The following NECAB2 variants were observed in gnomAD, a reference collection of about 807,000 sequenced individuals.
The protein encoded by NECAB2 is N-terminal EF-hand calcium binding protein 2.
In NECAB2, 68 loss-of-function variants were observed where a neutral mutation model predicts 51.9. The observed-to-expected ratio is 1.31, with a 90% CI of 1.08 to 1.60. NECAB2 has a LOEUF of 1.60. NECAB2 is among the 40% of genes most tolerant of loss of function. The pLI, the probability that NECAB2 is intolerant of heterozygous loss-of-function variation, is 0.00. For missense variants in NECAB2, 854 were observed against 490.3 expected, an observed-to-expected ratio of 1.74 and a Z score of -7.00; for synonymous variants, 329 against 203.5, an observed-to-expected ratio of 1.62 and a Z score of -5.25.
intron 12 of NECAB2, 43 bp from the exon 13 acceptor site, chr16:84,002,275 C>T (rs761285264): frequency 1.9e-6 from 3 of 1,610,840 alleles, no homozygotes; most frequent in South Asian, 1.1e-5. Flanking sequence ...CGAGGCTGCC[C>T]ACATTCGCAC....
intron 2 of NECAB2, among the ~76,000 whole-genome samples, chr16:83,976,401 G>C (rs1450987331): frequency 1.3e-5 from 2 of 152,218 alleles, no homozygotes; most frequent in African/African-American, 2.4e-5. Flanking sequence ...TGTGTCGTGA[G>C]TGTTAAGAAG....
At chr16:84,000,822 A>C (rs746754079) in intron 11 of NECAB2, 21 bp downstream of exon 11, 41 of 1,610,812 alleles carry the variant, frequency 2.5e-5, no homozygotes, top group South Asian at 3.3e-5. Context: ...GGGTCCCCAC[A>C]GCAGGTGAGG....
Position 84,001,832 on chromosome 16 carries a change from C to G in NECAB2, c.1048C>G (p.Gln350Glu). The G allele has an allele frequency of 6.2e-7, 1 of 1,614,098 alleles. No individual in the cohort carries two copies. The highest frequency in any genetic ancestry group is 8.5e-7 in the Non-Finnish European group (1 of 1,179,942). Residue 350 changes from glutamine (Q) to glutamate (E), a missense_variant, in exon 12 of 13, where the codon CAG becomes GAG. Gln to Glu is a conservative substitution (Grantham distance 29, BLOSUM62 2). Coordinates refer to ENST00000305202, the MANE Select transcript of NECAB2 (RefSeq NM_019065.3). ...CATGTCCCTGCGTCACAGGCACCTG[C>G]AGAGCCCCCTGTGTAAGGCGTTCCG... ...ETEEAWKRHL[Q>E]SPLCKAFRHV...
upstream of NECAB2, chr16:83,965,396 G>T (rs776224973): frequency 8.3e-6 from 13 of 1,574,200 alleles, no homozygotes; most frequent in Non-Finnish European, 1.1e-5. Flanking sequence ...CCTGGAGGCC[G>T]CCACAAGGGT....
At chr16:83,991,289 C>A (rs778689569) in intron 6 of NECAB2, among the ~76,000 whole-genome samples, 12 of 151,626 alleles carry the variant, frequency 7.9e-5, no homozygotes, top group Non-Finnish European at 1.3e-4. Flanking sequence ...AGCCTATTTT[C>A]TCTTTCTCTC....
chr16:83,965,594 C>T, upstream of NECAB2: 8 of 1,613,078 alleles, frequency 5.0e-6, no homozygotes, highest in Non-Finnish European at 6.8e-6. Context: ...CCACAAGGTG[C>T]ACCAGATGAT....
chr16:83,989,283 C>G (rs1294710316), intron 5 of NECAB2, among the ~76,000 whole-genome samples: 3 of 152,154 alleles, frequency 2.0e-5, no homozygotes, highest in African/African-American at 7.2e-5. Context: ...TGGCCATGTA[C>G]TCTGTCAGGG....
chr16:83,995,374 T>A (rs1377167498), intron 8 of NECAB2, among the ~76,000 whole-genome samples: 1 of 149,776 alleles, frequency 6.7e-6, no homozygotes, highest in Non-Finnish European at 1.5e-5. Context: ...AGGCTTAGAT[T>A]CCTCCTCTGA....
intron 1 of NECAB2, among the ~76,000 whole-genome samples, chr16:83,971,042 C>G (rs1282771962): frequency 6.6e-6 from 1 of 151,672 alleles, no homozygotes; most frequent in Admixed American, 6.6e-5. Context: ...TGCAGTGAGC[C>G]AAGATCGCGC....
chr16:83,972,203 G>A (rs769538126), intron 2 of NECAB2, 28 bp downstream of exon 2: 56 of 1,613,422 alleles, frequency 3.5e-5, no homozygotes, highest in South Asian at 6.6e-5. Flanking sequence ...GCCGACGGCC[G>A]CCCCACTCCT....
At chr16:83,997,482 T>G (rs1291803926) in intron 9 of NECAB2, among the ~76,000 whole-genome samples, 8 of 112,182 alleles carry the variant, frequency 7.1e-5, no homozygotes, top group African/African-American at 1.1e-4. Flanking sequence ...CCTGGACCTT[T>G]TTTTTTTTTT....
At position 83,990,689 on chromosome 16, in the gene NECAB2, C is replaced by T. The variant is rs564111173; in HGVS notation, c.596+59C>T. On this transcript the variant is annotated intron_variant, in intron 6 of 12. Coordinates refer to ENST00000305202, the MANE Select transcript of NECAB2 (RefSeq NM_019065.3). ...GGTATGCCGTGCACGCGCACGTGCC[C>T]ACCTGCTGCTTGGTGGGGATGTCTG... The T allele has an allele frequency of 3.4e-5, 54 of 1,588,070 alleles. No homozygotes were observed. The East Asian group carries it at 1.2e-3, about 35-fold the overall frequency.
At chr16:83,982,879 C>G (rs2084506775) in intron 5 of NECAB2, among the ~76,000 whole-genome samples, 1 of 148,080 alleles carries the variant, frequency 6.8e-6, no homozygotes, top group South Asian at 2.2e-4. Context: ...TTTTCTTTTT[C>G]TTTTTTTTTG....
chr16:83,993,500 A>T (rs2084652263), intron 6 of NECAB2: 1 of 153,770 alleles, frequency 6.5e-6, no homozygotes. Context: ...CTTCTGGGGG[A>T]GTGTCTGTGT....
chr16:83,966,938 G>A (rs1213565402), upstream of NECAB2, among the ~76,000 whole-genome samples: 1 of 151,924 alleles, frequency 6.6e-6, no homozygotes, highest in Non-Finnish European at 1.5e-5. Context: ...GTGCTGTGGC[G>A]CTTGGTTCAC....
chr16:83,983,270 C>G (rs1414862331), intron 5 of NECAB2, among the ~76,000 whole-genome samples: 3 of 152,160 alleles, frequency 2.0e-5, no homozygotes, highest in Non-Finnish European at 4.4e-5. Flanking sequence ...TTTCGTCAAG[C>G]CGCAGCATCA....
intron 11 of NECAB2, among the ~76,000 whole-genome samples, chr16:84,001,057 C>G (rs984155167): frequency 6.6e-6 from 1 of 152,142 alleles, no homozygotes; most frequent in Non-Finnish European, 1.5e-5. Context: ...CCCTAGAGCA[C>G]CTTGTCCTCC....
At chr16:83,970,204 G>C (rs920082465) in intron 1 of NECAB2, among the ~76,000 whole-genome samples, 2 of 152,030 alleles carry the variant, frequency 1.3e-5, no homozygotes, top group Non-Finnish European at 1.5e-5. Flanking sequence ...GTGATGAGCG[G>C]GGGGTGGGGC....
chr16:83,997,327 C>T lies in NECAB2; in HGVS notation c.849+58C>T, dbSNP rs193193769. ...ACATCCCTACCCATGCCAGGACTGC[C>T]AAGATCCAAGTGGCTCAATGCCCCT... is the stretch of plus-strand genomic sequence containing the variant. On this transcript the variant is annotated intron_variant, in intron 9 of 12. Transcript: ENST00000305202. 1.3e-3 allele frequency: 2,078 copies of T among 1,606,666 alleles called. 5 individuals carry two copies. Among genetic ancestry groups the T allele is most frequent in the Non-Finnish European group, 1.5e-3 (1,796 of 1,173,638 alleles).
Sources: allele counts gnomAD v4.1 joint callset (sites outside exome capture counted in the v4.1 genomes callset), GRCh38; gene constraint gnomAD v4.1.1; transcripts MANE v1.5; gene names NCBI Gene and HGNC (gene_info 2026-07-23, HGNC 2026-07-21).